Variants in EFHC1 observed in about 807,000 individuals in gnomAD.
EFHC1 encodes EF-hand domain containing 1, also known as EF-hand domain-containing protein 1.
Under a neutral mutation model 69.9 loss-of-function variants are expected in EFHC1, and 53 were observed. The observed-to-expected ratio is 0.76, with a 90% CI of 0.61 to 0.95. The LOEUF (loss-of-function observed/expected upper bound fraction) is 0.95, where lower values mean the gene tolerates loss of function less well. Among genes scored for constraint, EFHC1 ranks in the 40% least tolerant of loss-of-function variants. EFHC1 has a pLI of 0.00. For missense variants in EFHC1, 739 were observed against 798.7 expected (o/e 0.93, Z 0.90); for synonymous variants, 256 against 278.4 (o/e 0.92, Z 0.80).
In EFHC1 at chr6:52,479,733, C is replaced by T. The variant is rs759944784; in HGVS notation, c.1586C>T (p.Ala529Val). The T allele has an allele frequency of 8.1e-6, 13 of 1,614,202 alleles. No individual in the cohort carries two copies. The highest frequency in any genetic ancestry group is 1.1e-5 in the South Asian group (1 of 91,082). Reference protein sequence around the residue: ...NAAQYSPEALASIQNHVRKRE... With the variant: ...NAAQYSPEALVSIQNHVRKRE... The stretch of plus-strand genomic sequence containing the variant: ...GCCCAGTATTCACCAGAAGCACTCG[C>T]GTCAATTCAGAACCATGTCCGAAAG... The change falls in exon 9 of 11, where the codon GCG becomes GTG. Residue 529 changes from alanine (A) to valine (V), a missense_variant. Physicochemically the swap from Ala to Val is moderately conservative, Grantham distance 64. Coordinates refer to ENST00000371068, the MANE Select transcript of EFHC1 (RefSeq NM_018100.4).
chr6:52,469,551 GTAGA>G, intron 7 of EFHC1, 78 bp downstream of exon 7: 1 of 1,585,744 alleles, frequency 6.3e-7, no homozygotes, highest in Non-Finnish European at 8.6e-7. Flanking sequence ...TCTGTAAGCT[GTAGA>G]TTAACAGCTG....
chr6:52,442,130 A>G (rs1764678402), intron 3 of EFHC1, among the ~76,000 whole-genome samples: 1 of 151,968 alleles, frequency 6.6e-6, no homozygotes, highest in South Asian at 2.1e-4. Context: ...AAGACTTCCA[A>G]TATTGTCTTG....
intron 5 of EFHC1, among the ~76,000 whole-genome samples, 189 bp downstream of exon 5, chr6:52,454,476 A>T (rs1258496353): frequency 1.3e-5 from 2 of 152,172 alleles, no homozygotes; most frequent in Non-Finnish European, 2.9e-5. Context: ...CCCCCAAGAC[A>T]GTCTGGTACC....
intron 3 of EFHC1, among the ~76,000 whole-genome samples, chr6:52,449,461 T>C (rs1014843360): frequency 2.0e-5 from 3 of 152,168 alleles, no homozygotes; most frequent in African/African-American, 4.8e-5. Flanking sequence ...GCCCTGGGCC[T>C]TTTTTGGTTC....
intron 1 of EFHC1, 185 bp from the exon 2 acceptor site, chr6:52,423,761 C>T (rs1245850640): frequency 7.0e-7 from 1 of 1,427,200 alleles, no homozygotes; most frequent in South Asian, 1.3e-5. Flanking sequence ...CCTCTTCAGC[C>T]TCCCAGAGTT....
chr6:52,492,229 C>G, intron 10 of EFHC1, 41 bp from the exon 11 acceptor site: 1 of 1,583,370 alleles, frequency 6.3e-7, no homozygotes, highest in Non-Finnish European at 8.7e-7. Flanking sequence ...GACGGAAGCC[C>G]TGCAGATCTG....
chr6:52,496,202 A>C lies in EFHC1; in HGVS notation c.*3861A>C, dbSNP rs1231665139. 1.8e-5 allele frequency: 2 copies of C among 109,864 alleles called. No individual in the cohort carries two copies. Among genetic ancestry groups the C allele is most frequent in the Non-Finnish European group, 4.5e-5 (2 of 44,804 alleles). The allele number at this position is 109,864 out of a possible 1,614,324, so 6.8% of individuals were successfully genotyped here. A position where few individuals can be genotyped will look rare whatever the true frequency, so the allele number is the denominator to read the frequency against. ...GGAGTTGAAAGATTCTAATACACAC[A>C]CACACCCACACACACACACACACAA... On this transcript the variant is annotated 3_prime_UTR_variant, in exon 11 of 11. Transcript: ENST00000371068.
intron 2 of EFHC1, among the ~76,000 whole-genome samples, chr6:52,429,568 C>T (rs970184543): frequency 6.6e-6 from 1 of 152,060 alleles, no homozygotes; most frequent in Admixed American, 6.6e-5. Context: ...ATTTTTATAC[C>T]AGTACCATGC....
intron 1 of EFHC1, among the ~76,000 whole-genome samples, chr6:52,421,528 A>G (rs772069162): frequency 6.6e-6 from 1 of 152,200 alleles, no homozygotes; most frequent in Non-Finnish European, 1.5e-5. Context: ...TGAAAAATCA[A>G]TAATGAGATT....
intron 2 of EFHC1, among the ~76,000 whole-genome samples, chr6:52,431,616 C>T (rs992270975): frequency 6.6e-6 from 1 of 152,024 alleles, no homozygotes; most frequent in Non-Finnish European, 1.5e-5. Flanking sequence ...AATTTTGTGG[C>T]CTATCATATG....
intron 3 of EFHC1, among the ~76,000 whole-genome samples, chr6:52,441,968 C>T (rs1489797224): frequency 2.0e-5 from 3 of 151,942 alleles, no homozygotes; most frequent in Non-Finnish European, 2.9e-5. Flanking sequence ...AAAATTTTGC[C>T]GAAGTTGTTT....
At chr6:52,478,059 A>C (rs1274596231) in intron 7 of EFHC1, among the ~76,000 whole-genome samples, 1 of 152,226 alleles carries the variant, frequency 6.6e-6, no homozygotes, top group Non-Finnish European at 1.5e-5. Flanking sequence ...GGATTAAGAA[A>C]ATGTGGCACA....
At chr6:52,453,768 T>C (rs994941758) in intron 4 of EFHC1, 9 of 1,262,554 alleles carry the variant, frequency 7.1e-6, no homozygotes, top group Non-Finnish European at 9.2e-6. Context: ...TTAATATATA[T>C]ATACCACTAT....
chr6:52,485,156 TTTGGTGG>T (rs1018422828), intron 9 of EFHC1: 1 of 151,996 alleles, frequency 6.6e-6, no homozygotes, highest in Non-Finnish European at 1.5e-5. Flanking sequence ...AGAAGCGTAG[TTTGGTGG>T]TTGGACAGCA....
rs1766045823 is a variant in EFHC1 at position 52,495,876 on chromosome 6, A to G, written c.*3535A>G. ...TGACAGCACCAACACAAGGTATAAA[A>G]GAGATTTCATGAAAGACCAAAGCCA... On this transcript the variant is annotated 3_prime_UTR_variant, in exon 11 of 11. Coordinates refer to ENST00000371068, the MANE Select transcript of EFHC1 (RefSeq NM_018100.4). 2 of 312,760 alleles carry G rather than the reference A, an allele frequency of 6.4e-6. No individual in the cohort carries two copies. 19.4% of individuals were successfully genotyped at this position (312,760 alleles called of 1,614,324 possible).
chr6:52,483,092 G>A (rs764958127), intron 9 of EFHC1: 1 of 376,438 alleles, frequency 2.7e-6, no homozygotes, highest in Non-Finnish European at 4.7e-6. Context: ...AAGAAGTGAT[G>A]TAATTGTCAC....
chr6:52,447,852 G>T (rs560347277), intron 3 of EFHC1, among the ~76,000 whole-genome samples: 1 of 152,354 alleles, frequency 6.6e-6, no homozygotes, highest in Admixed American at 6.5e-5. Context: ...GACCCTGTTT[G>T]CCTGGGTATC....
intron 2 of EFHC1, among the ~76,000 whole-genome samples, chr6:52,438,080 C>T (rs75656572): frequency 0.011 from 1,680 of 152,266 alleles, 12 homozygotes; most frequent in Non-Finnish European, 0.018. Context: ...GTAAAACCCA[C>T]TCTTAGCTTG....
intron 5 of EFHC1, among the ~76,000 whole-genome samples, chr6:52,460,110 T>C (rs1312469102): frequency 6.6e-6 from 1 of 152,208 alleles, no homozygotes; most frequent in Non-Finnish European, 1.5e-5. Context: ...GCTTTTTTTA[T>C]AATAGCCAAA....
Sources: gnomAD v4.1 joint callset for allele counts (sites outside exome capture counted in the v4.1 genomes callset) on GRCh38, gnomAD v4.1.1 for gene constraint, MANE v1.5 for transcripts, NCBI Gene and HGNC (gene_info 2026-07-23, HGNC 2026-07-21) for gene names.